UGT8: variants seen among roughly 807,000 people sequenced by gnomAD.
The protein encoded by UGT8 is 2-hydroxyacylsphingosine 1-beta-galactosyltransferase.
UGT8 carries 12 observed loss-of-function variants against 40.5 expected under a neutral mutation model. The observed-to-expected ratio is 0.30, with a 90% CI of 0.19 to 0.48. The LOEUF (loss-of-function observed/expected upper bound fraction) is 0.48. Ranked by LOEUF, UGT8 falls within the 20% of genes least tolerant of loss-of-function variation. The pLI is 0.99. For synonymous variants in UGT8, 224 were observed against 240.4 expected, an observed-to-expected ratio of 0.93 and a Z score of 0.63; for missense variants, 513 against 648.7, an observed-to-expected ratio of 0.79 and a Z score of 2.27.
intron 1 of UGT8, 120 bp from the exon 2 acceptor site, chr4:114,622,759 A>ATT (rs33991828): frequency 0.053 from 32,758 of 622,518 alleles, 292 homozygotes; most frequent in African/African-American, 0.076. Flanking sequence ...TCTGTTCATG[A>ATT]TTTTTTTTTT....
At chr4:114,658,138 A>C (rs1400305557) in intron 2 of UGT8, among the ~76,000 whole-genome samples, 1 of 152,208 alleles carries the variant, frequency 6.6e-6, no homozygotes, top group African/African-American at 2.4e-5. Flanking sequence ...AATGTTCACT[A>C]TCATTTTACC....
At chr4:114,628,492 G>T in intron 2 of UGT8, among the ~76,000 whole-genome samples, 1 of 151,932 alleles carries the variant, frequency 6.6e-6, no homozygotes, top group Non-Finnish European at 1.5e-5. Context: ...TACTGATAGT[G>T]AGGAAAGAAG....
At chr4:114,666,666 G>A (rs1348014679) in intron 4 of UGT8, among the ~76,000 whole-genome samples, 1 of 152,126 alleles carries the variant, frequency 6.6e-6, no homozygotes, top group Admixed American at 6.6e-5. Flanking sequence ...GCGACAGTGT[G>A]ACACTGTTAT....
At chr4:114,656,997 C>A in intron 2 of UGT8, 1 of 304,608 alleles carries the variant, frequency 3.3e-6, no homozygotes, top group Non-Finnish European at 6.3e-6. Flanking sequence ...AAATAGTGAC[C>A]CAGAAATTAG....
intron 2 of UGT8, among the ~76,000 whole-genome samples, chr4:114,642,036 C>T (rs1733256633): frequency 1.3e-5 from 2 of 152,032 alleles, no homozygotes; most frequent in Admixed American, 1.3e-4. Flanking sequence ...GGAAAGGGGG[C>T]TTATTATCCT....
chr4:114,657,933 T>C (rs923387751), intron 2 of UGT8, among the ~76,000 whole-genome samples: 7 of 152,168 alleles, frequency 4.6e-5, no homozygotes, highest in African/African-American at 1.7e-4. Context: ...AATTGTGGAA[T>C]TGGGGTTTGA....
At chr4:114,627,999 A>C (rs1249190852) in intron 2 of UGT8, among the ~76,000 whole-genome samples, 1 of 152,234 alleles carries the variant, frequency 6.6e-6, no homozygotes, top group African/African-American at 2.4e-5. Context: ...ATCAAATAGA[A>C]ATAGTTGCCA....
chr4:114,625,135 G>A (rs151287626), intron 2 of UGT8, among the ~76,000 whole-genome samples: 1 of 152,100 alleles, frequency 6.6e-6, no homozygotes, highest in East Asian at 1.9e-4. Context: ...TTCCGAGCTA[G>A]AACACTCCCC....
intron 2 of UGT8, among the ~76,000 whole-genome samples, chr4:114,626,925 TA>T (rs1434861279): frequency 6.6e-6 from 1 of 152,232 alleles, no homozygotes; most frequent in African/African-American, 2.4e-5. Context: ...TTTGATAAAC[TA>T]AATCAGCCTA....
chr4:114,661,073 CA>C (rs1251723000), intron 2 of UGT8, among the ~76,000 whole-genome samples: 1 of 151,780 alleles, frequency 6.6e-6, no homozygotes, highest in Non-Finnish European at 1.5e-5. Context: ...GAAAAGTTTT[CA>C]TGTTTTCTTC....
chr4:114,621,234 A>G (rs938888130), intron 1 of UGT8, among the ~76,000 whole-genome samples: 2 of 152,192 alleles, frequency 1.3e-5, no homozygotes, highest in African/African-American at 4.8e-5. Flanking sequence ...AAGGTACAAC[A>G]TAGAAGTGTG....
chr4:114,665,580 T>A lies in UGT8; in HGVS notation c.966-100T>A, dbSNP rs376635356. On this transcript the variant is annotated intron_variant, in intron 3 of 5. Coordinates refer to ENST00000310836, the MANE Select transcript of UGT8 (RefSeq NM_001128174.3). ...CATTCTTAAGAATATCAACAAAAGA[T>A]CATCAAACATTTATTTTAAATCTCA... is the stretch of plus-strand genomic sequence containing the variant. 5 of 1,227,018 alleles carry A rather than the reference T, an allele frequency of 4.1e-6. No homozygotes were observed. The South Asian group carries it at 9.0e-5, about 22-fold the overall frequency. The allele number at this position is 1,227,018 out of a possible 1,614,324, so 76.0% of individuals were successfully genotyped here.
chr4:114,610,054 ACTG>A (rs767351224), intron 1 of UGT8, among the ~76,000 whole-genome samples: 16 of 152,218 alleles, frequency 1.1e-4, no homozygotes, highest in Non-Finnish European at 2.1e-4. Flanking sequence ...CTTTACAAAG[ACTG>A]CTATTTTGAT....
chr4:114,651,481 G>C lies in UGT8; in HGVS notation c.823-12514G>C, dbSNP rs544834032. On this transcript the variant is annotated intron_variant, in intron 2 of 5. Coordinates refer to ENST00000310836, the MANE Select transcript of UGT8 (RefSeq NM_001128174.3). ...ATTTAAGGCAATTTCAAGATTAAAA[G>C]CAAGAACAAACTAGTTTTCCATATA... Among the ~76,000 whole-genome samples, 532 of 152,150 alleles carry C rather than the reference G, an allele frequency of 3.5e-3. 1 individual carries two copies. Among genetic ancestry groups the C allele is most frequent in the Non-Finnish European group, 5.9e-3 (401 of 67,944 alleles).
intron 2 of UGT8, among the ~76,000 whole-genome samples, chr4:114,637,294 C>T (rs540938258): frequency 2.6e-5 from 4 of 152,138 alleles, no homozygotes; most frequent in Admixed American, 1.3e-4. Flanking sequence ...TTAACATCCT[C>T]CTGTAGGTTT....
rs755430712 is a variant in UGT8 at position 114,635,350 on chromosome 4, C to CA, written c.822+11661dup. ...TGGGTGACAGAGTGAGATTCTGTCT[C>CA]AAAAAAAAAAAAATTCAAGCCACCA... On this transcript the variant is annotated intron_variant, in intron 2 of 5. Transcript: ENST00000310836. Among the ~76,000 whole-genome samples, 1,208 of 130,662 alleles carry CA rather than the reference C, an allele frequency of 9.2e-3. 9 individuals carry two copies. Among genetic ancestry groups the CA allele is most frequent in the East Asian group, 0.018 (82 of 4,580 alleles). The allele number at this position is 130,662 out of a possible 152,430, so 85.7% of individuals were successfully genotyped here.
intron 5 of UGT8, among the ~76,000 whole-genome samples, chr4:114,673,099 A>G (rs1735402832): frequency 6.6e-6 from 1 of 152,188 alleles, no homozygotes. Flanking sequence ...CTTACAAGGT[A>G]ATTGTTTTAT....
chr4:114,664,109 G>C lies in UGT8; in HGVS notation c.937G>C (p.Gly313Arg), dbSNP rs1734715476. ...TGCTAACAAACTGGCAGGAGCTCTGGGGAGATTGCCTCAAAAAGTGATTTG... is the reference window on the plus strand; with the variant it reads ...TGCTAACAAACTGGCAGGAGCTCTGCGGAGATTGCCTCAAAAAGTGATTTG... Reference protein sequence around the residue: ...DIANKLAGALGRLPQKVIWRF... With the variant: ...DIANKLAGALRRLPQKVIWRF... The change falls in exon 3 of 6, where the codon GGG becomes CGG. Residue 313 changes from glycine to arginine, a missense_variant. Around this residue, in one of 3 missense-constraint regions of UGT8, gnomAD observed 335 missense variants for 444.8 expected, o/e 0.75. Transcript: ENST00000310836. 1.9e-6 allele frequency: 3 copies of C among 1,613,780 alleles called. No homozygotes were observed. The African/African-American group carries it at 4.0e-5, about 22-fold the overall frequency.
chr4:114,611,850 G>A (rs994026919), intron 1 of UGT8, among the ~76,000 whole-genome samples: 4 of 152,086 alleles, frequency 2.6e-5, no homozygotes, highest in African/African-American at 7.2e-5. Context: ...TGGAACAGAA[G>A]CATCAGTGTT....
Sources: gnomAD v4.1 joint callset for allele counts (sites outside exome capture counted in the v4.1 genomes callset) on GRCh38, gnomAD v4.1.1 for gene constraint, gnomAD v4.1.1 regional missense constraint, MANE v1.5 for transcripts, NCBI Gene and HGNC (gene_info 2026-07-23, HGNC 2026-07-21) for gene names.